The following SLC17A5 variants were observed in gnomAD, a reference collection of about 807,000 sequenced individuals.
SLC17A5 encodes solute carrier family 17 member 5.
A neutral mutation model predicts 59.4 loss-of-function variants in SLC17A5; 47 were observed. That is an observed-to-expected ratio of 0.79 (90% confidence interval 0.63 to 1.01). The LOEUF is 1.01. Among genes scored for constraint, SLC17A5 ranks in the 50% least tolerant of loss-of-function variants. The probability of loss-of-function intolerance (pLI) is 0.00; values close to 1 mark genes in which losing one functional copy is unlikely to be tolerated. For synonymous variants in SLC17A5, 202 were observed against 210.7 expected (o/e 0.96, Z 0.36); for missense variants, 522 against 595.5 (o/e 0.88, Z 1.28).
chr6:73,652,085 C>A (rs1769899627), intron 1 of SLC17A5, among the ~76,000 whole-genome samples: 1 of 152,058 alleles, frequency 6.6e-6, no homozygotes, highest in African/African-American at 2.4e-5. Context: ...TTATCATATT[C>A]TAAATAGCAA....
chr6:73,613,951 C>T (rs903728612), intron 8 of SLC17A5, among the ~76,000 whole-genome samples: 9 of 150,648 alleles, frequency 6.0e-5, no homozygotes, highest in African/African-American at 2.0e-4. Flanking sequence ...AGACCTTGTC[C>T]CATTAAAGAA....
chr6:73,649,900 G>A (rs1769766272), intron 1 of SLC17A5, among the ~76,000 whole-genome samples: 1 of 152,128 alleles, frequency 6.6e-6, no homozygotes, highest in Non-Finnish European at 1.5e-5. Context: ...CAGGAATGCT[G>A]AGCAGATACC....
chr6:73,603,621 C>T (rs1268336044), intron 9 of SLC17A5, among the ~76,000 whole-genome samples: 4 of 149,812 alleles, frequency 2.7e-5, no homozygotes, highest in Admixed American at 1.3e-4. Context: ...GGTTTCACCA[C>T]GTTGGTTAGG....
chr6:73,601,010 TG>T (rs1318765835), intron 9 of SLC17A5, among the ~76,000 whole-genome samples: 1 of 135,784 alleles, frequency 7.4e-6, no homozygotes, highest in Non-Finnish European at 1.6e-5. Flanking sequence ...GCCCATCGTC[TG>T]GGAAGTGAGG....
chr6:73,652,972 A>C, intron 1 of SLC17A5: 1 of 908,506 alleles, frequency 1.1e-6, no homozygotes, highest in Non-Finnish European at 1.3e-6. Context: ...AAATAGCAAA[A>C]TATTTTAATT....
chr6:73,649,001 T>C (rs1365569578), intron 1 of SLC17A5, among the ~76,000 whole-genome samples: 2 of 109,040 alleles, frequency 1.8e-5, no homozygotes, highest in East Asian at 5.8e-4. Flanking sequence ...TAATATATAA[T>C]TTTTTTTTTT....
At chr6:73,599,956 C>G (rs774398937) in intron 10 of SLC17A5, among the ~76,000 whole-genome samples, 1 of 151,968 alleles carries the variant, frequency 6.6e-6, no homozygotes, top group African/African-American at 2.4e-5. Flanking sequence ...GCCACCACAC[C>G]GGCTAATTTT....
intron 9 of SLC17A5, among the ~76,000 whole-genome samples, chr6:73,606,484 T>C (rs1247431509): frequency 6.6e-6 from 1 of 152,218 alleles, no homozygotes; most frequent in Non-Finnish European, 1.5e-5. Context: ...ACTAAACCTG[T>C]TTAGCTTCTT....
chr6:73,610,613 G>T (rs1181636337), intron 8 of SLC17A5, 66 bp from the exon 9 acceptor site: 17 of 1,565,620 alleles, frequency 1.1e-5, no homozygotes, highest in Non-Finnish European at 1.3e-5. Context: ...CCTTAATATG[G>T]TATAAATCTG....
rs1297434040 is a variant in SLC17A5 at position 73,638,651 on chromosome 6, T to A, written c.526-152A>T. On this transcript the variant is annotated intron_variant, in intron 3 of 10. Coordinates refer to ENST00000355773, the MANE Select transcript of SLC17A5 (RefSeq NM_012434.5). ...AATGAGAAATTTTTACAGTGTTAAG[T>A]GAAAATATCTTATAATGAAGTACTT... is the stretch of plus-strand genomic sequence containing the variant. 10 of 692,762 alleles carry A rather than the reference T, an allele frequency of 1.4e-5. No individual in the cohort carries two copies. In the African/African-American group the frequency reaches 1.8e-4, roughly 12 times the overall value. 42.9% of individuals were successfully genotyped at this position (692,762 alleles called of 1,614,324 possible).
intron 9 of SLC17A5, among the ~76,000 whole-genome samples, chr6:73,603,587 A>G (rs575948942): frequency 6.6e-6 from 1 of 150,954 alleles, no homozygotes; most frequent in Non-Finnish European, 1.5e-5. Flanking sequence ...TACCTGGGTA[A>G]TTTTGTATTT....
intron 1 of SLC17A5, among the ~76,000 whole-genome samples, chr6:73,645,775 C>CAGAG (rs1769516696): frequency 8.8e-6 from 1 of 113,802 alleles, no homozygotes; most frequent in Non-Finnish European, 1.6e-5. Context: ...GCGACAGAGA[C>CAGAG]AGAGACTCCG....
chr6:73,610,690 AG>A, intron 8 of SLC17A5, 143 bp from the exon 9 acceptor site: 1 of 819,426 alleles, frequency 1.2e-6, no homozygotes, highest in African/African-American at 2.1e-5. Context: ...AAATTTCATG[AG>A]AAAAAAAAAA....
At chr6:73,603,763 T>G (rs148109465) in intron 9 of SLC17A5, among the ~76,000 whole-genome samples, 156 of 152,294 alleles carry the variant, frequency 1.0e-3, no homozygotes, top group African/African-American at 3.6e-3. Flanking sequence ...CTGTATATAT[T>G]CATGAATTCT....
intron 9 of SLC17A5, among the ~76,000 whole-genome samples, chr6:73,609,034 G>T (rs1168156636): frequency 6.6e-6 from 1 of 152,086 alleles, no homozygotes; most frequent in Non-Finnish European, 1.5e-5. Flanking sequence ...ATTTATTGAA[G>T]AGATAGGAGA....
chr6:73,600,634 G>A (rs954633758), intron 9 of SLC17A5, among the ~76,000 whole-genome samples, 193 bp from the exon 10 acceptor site: 8 of 151,536 alleles, frequency 5.3e-5, no homozygotes, highest in Non-Finnish European at 7.4e-5. Flanking sequence ...CCTGAGTAGC[G>A]GGGACTACAG....
chr6:73,648,844 T>C (rs1341370865), intron 1 of SLC17A5, among the ~76,000 whole-genome samples: 1 of 152,074 alleles, frequency 6.6e-6, no homozygotes, highest in African/African-American at 2.4e-5. Context: ...AGCAGCAGCA[T>C]GTACAGAGGT....
Position 73,636,661 on chromosome 6 carries a change from A to C in SLC17A5, c.660T>G (p.Ile220Met), listed in dbSNP as rs201408081. Residue 220 changes from isoleucine (I) to methionine (M), a missense_variant, in exon 5 of 11, where the codon ATT becomes ATG. Ile to Met is a conservative substitution (Grantham distance 10). Transcript: ENST00000355773. ...CATAAGTCCAATTCATATAGTAGCA[A>C]ATTATTCCAGAAAGAGGAAGAGAAA... ...TVISLPLSGI[I>M]CYYMNWTYVF... The C allele has an allele frequency of 3.1e-6, 5 of 1,612,032 alleles. No individual in the cohort carries two copies. Among genetic ancestry groups the C allele is most frequent in the Non-Finnish European group, 4.2e-6 (5 of 1,178,032 alleles).
chr6:73,645,298 T>C, intron 1 of SLC17A5: 3 of 984,716 alleles, frequency 3.0e-6, no homozygotes, highest in Non-Finnish European at 3.6e-6. Flanking sequence ...CCTCGAAGAG[T>C]ATCCTCAAAG....
Sources: gnomAD v4.1 joint callset for allele counts (sites outside exome capture counted in the v4.1 genomes callset) on GRCh38, gnomAD v4.1.1 for gene constraint, MANE v1.5 for transcripts, NCBI Gene and HGNC (gene_info 2026-07-23, HGNC 2026-07-21) for gene names.